HDAC3: variants seen among roughly 807,000 people sequenced by gnomAD.
HDAC3 encodes SMAP45.
Under a neutral mutation model 62.3 loss-of-function variants are expected in HDAC3, and 21 were observed. The observed-to-expected ratio is 0.34, with a 90% CI of 0.24 to 0.49. The LOEUF (loss-of-function observed/expected upper bound fraction) is 0.49. HDAC3 is among the 20% of genes least tolerant of loss of function. The pLI is 0.99. For missense variants in HDAC3, 270 were observed against 556.9 expected, an observed-to-expected ratio of 0.48 and a Z score of 5.19; for synonymous variants, 198 against 206.5, an observed-to-expected ratio of 0.96 and a Z score of 0.35.
intron 10 of HDAC3, among the ~76,000 whole-genome samples, 159 bp downstream of exon 10, chr5:141,627,734 G>A (rs1299399124): frequency 1.3e-5 from 2 of 152,086 alleles, no homozygotes; most frequent in Non-Finnish European, 2.9e-5. Flanking sequence ...GACCATCTAG[G>A]GAACCCTGTT....
Position 141,625,836 on chromosome 5 carries a change from T to TGAGCACC in HDAC3, c.980-73_980-72insGGTGCTC. ...TAACAAGACTTCCCAATCTTTTTCC[T>TGAGCACC]TCCCATCCAGAGCACCTACATAATA... is the stretch of plus-strand genomic sequence containing the variant. On this transcript the variant is annotated intron_variant, in intron 12 of 14. Coordinates refer to ENST00000305264, the MANE Select transcript of HDAC3 (RefSeq NM_003883.4). This position sits in a 1 kb window ranked among gnomAD's most constrained non-coding sequence, Gnocchi z 4.0. 9 of 1,474,094 alleles carry TGAGCACC rather than the reference T, an allele frequency of 6.1e-6. No individual in the cohort carries two copies. In the Admixed American group the frequency reaches 1.5e-4, roughly 25 times the overall value. The allele number at this position is 1,474,094 out of a possible 1,614,324, so 91.3% of individuals were successfully genotyped here.
rs756788322 is a variant in HDAC3 at position 141,628,225 on chromosome 5, G to C, written c.692-38C>G. 6.4e-7 allele frequency: 1 copy of C among 1,556,534 alleles called. No homozygotes were observed. The highest frequency in any genetic ancestry group is 8.9e-7 in the Non-Finnish European group (1 of 1,127,646). Reference sequence around the variant, plus strand: ...CAAAGATGGGCACCTGGCACCCCAAGGGGATGGGGAGACAGGGAACAAAAG... The same window carrying C: ...CAAAGATGGGCACCTGGCACCCCAACGGGATGGGGAGACAGGGAACAAAAG... On this transcript the variant is annotated intron_variant, in intron 8 of 14. Coordinates refer to ENST00000305264, the MANE Select transcript of HDAC3 (RefSeq NM_003883.4). This position sits in a 1 kb window ranked among gnomAD's most constrained non-coding sequence, Gnocchi z 4.7.
Position 141,626,147 on chromosome 5 carries a change from C to T in HDAC3, c.920+47G>A. 1.2e-6 allele frequency: 2 copies of T among 1,604,576 alleles called. No homozygotes were observed. On this transcript the variant is annotated intron_variant, in intron 11 of 14. Transcript: ENST00000305264. This position sits in a 1 kb window ranked among gnomAD's most constrained non-coding sequence, Gnocchi z 4.6. The stretch of plus-strand genomic sequence containing the variant: ...CCATGTGGCCATATCTGAGGGACAC[C>T]CTAGCTCACACTGGACAACAGGGGA...
chr5:141,622,611 AAAG>A (rs910501082), intron 14 of HDAC3, among the ~76,000 whole-genome samples: 1 of 152,010 alleles, frequency 6.6e-6, no homozygotes, highest in African/African-American at 2.4e-5. Context: ...CAAAAAAAAA[AAAG>A]AAAGAAAAGA....
At chr5:141,631,999 G>A (rs758823498) in intron 3 of HDAC3, among the ~76,000 whole-genome samples, 52 of 151,894 alleles carry the variant, frequency 3.4e-4, no homozygotes, top group Non-Finnish European at 5.4e-4. Flanking sequence ...GGGATTTATG[G>A]GTGAAAAGGA....
chr5:141,627,774 T>A (rs2099904651), intron 10 of HDAC3, 119 bp downstream of exon 10: 3 of 832,086 alleles, frequency 3.6e-6, no homozygotes, highest in South Asian at 2.8e-5. Context: ...CAAGTACAAT[T>A]TGTAGCTATT....
Position 141,636,779 on chromosome 5 carries a change from G to A in HDAC3, c.12C>T (p.Thr4=), listed in dbSNP as rs878921541. 2 of 1,612,120 alleles carry A rather than the reference G, an allele frequency of 1.2e-6. No individual in the cohort carries two copies. Among genetic ancestry groups the A allele is most frequent in the South Asian group, 1.1e-5 (1 of 90,870 alleles). The change falls in exon 1 of 15, where the codon ACC becomes ACT. Residue 4 remains threonine, a synonymous_variant. Transcript: ENST00000305264. Reference sequence around the variant, plus strand: ...CGTCGGGGTCGTAGAAATAGGCCACGGTCTTGGCCATGGTGCCGGCGGGAG... The same window carrying A: ...CGTCGGGGTCGTAGAAATAGGCCACAGTCTTGGCCATGGTGCCGGCGGGAG... The part of the protein sequence containing the change: MAK[T]VAYFYDPDVG...
chr5:141,628,054 C>T lies in HDAC3; in HGVS notation c.765+60G>A. 6.2e-7 allele frequency: 1 copy of T among 1,600,902 alleles called. No individual in the cohort carries two copies. Among genetic ancestry groups the T allele is most frequent in the Non-Finnish European group, 8.6e-7 (1 of 1,167,924 alleles). ...CACCAACCTAAAGAACCTCCTCTTC[C>T]CTTGCTCTCTTTCCCCAAGCCCAGG... On this transcript the variant is annotated intron_variant, in intron 9 of 14. Coordinates refer to ENST00000305264, the MANE Select transcript of HDAC3 (RefSeq NM_003883.4). The surrounding 1 kb of genome is among the most constrained non-coding windows in gnomAD (Gnocchi z 4.7).
chr5:141,634,723 C>T, intron 3 of HDAC3, 88 bp downstream of exon 3: 8 of 1,300,014 alleles, frequency 6.2e-6, no homozygotes, highest in Non-Finnish European at 8.6e-6. Flanking sequence ...GTAGGCCCCC[C>T]TTGAGATCTT....
chr5:141,628,699 A>T lies in HDAC3; in HGVS notation c.611-60T>A. On this transcript the variant is annotated intron_variant, in intron 7 of 14. Coordinates refer to ENST00000305264, the MANE Select transcript of HDAC3 (RefSeq NM_003883.4). This position sits in a 1 kb window ranked among gnomAD's most constrained non-coding sequence, Gnocchi z 4.7. ...GAAGCACCCACAACCCAGCTGTTTCAGCCCCAATCTGCACTCTGGGAGCCT... is the reference window on the plus strand; with the variant it reads ...GAAGCACCCACAACCCAGCTGTTTCTGCCCCAATCTGCACTCTGGGAGCCT... 1 of 1,284,808 alleles carries T rather than the reference A, an allele frequency of 7.8e-7. No homozygotes were observed. Among genetic ancestry groups the T allele is most frequent in the South Asian group, 1.2e-5 (1 of 83,796 alleles). 79.6% of individuals were successfully genotyped at this position (1,284,808 alleles called of 1,614,324 possible).
chr5:141,625,906 C>T lies in HDAC3; in HGVS notation c.979+107G>A. ...GCTCTGAGCCCAGGGGTTTAGTCTG[C>T]AGAGCTCTGAGAGTGTAAAATTTCC... On this transcript the variant is annotated intron_variant, in intron 12 of 14. Coordinates refer to ENST00000305264, the MANE Select transcript of HDAC3 (RefSeq NM_003883.4). This position sits in a 1 kb window ranked among gnomAD's most constrained non-coding sequence, Gnocchi z 4.0. 1 of 1,301,970 alleles carries T rather than the reference C, an allele frequency of 7.7e-7. No homozygotes were observed. The highest frequency in any genetic ancestry group is 1.1e-6 in the Non-Finnish European group (1 of 896,328). 80.7% of individuals were successfully genotyped at this position (1,301,970 alleles called of 1,614,324 possible).
rs371081980 is a variant in HDAC3 at position 141,626,186 on chromosome 5, G to A, written c.920+8C>T. 1 of 1,613,022 alleles carries A rather than the reference G, an allele frequency of 6.2e-7. No homozygotes were observed. Among genetic ancestry groups the A allele is most frequent in the Non-Finnish European group, 8.5e-7 (1 of 1,179,102 alleles). On this transcript the variant is annotated splice_region_variant and intron_variant, in intron 11 of 14. Transcript: ENST00000305264. This position sits in a 1 kb window ranked among gnomAD's most constrained non-coding sequence, Gnocchi z 4.6. ...GACAACAGGGGAGGAAATCAGGAGAGTGCTCACCAGCAGCGGGCAACATTT... is the reference window on the plus strand; with the variant it reads ...GACAACAGGGGAGGAAATCAGGAGAATGCTCACCAGCAGCGGGCAACATTT...
chr5:141,629,331 C>G lies in HDAC3; in HGVS notation c.477-25G>C. On this transcript the variant is annotated intron_variant, in intron 6 of 14. Transcript: ENST00000305264. The surrounding 1 kb of genome is among the most constrained non-coding windows in gnomAD (Gnocchi z 5.3). ...CCTAGAGGGAAGCCAAAGCCAGGGT[C>G]TGAGCTAGAAGTGAACCCCCCAACC... 1 of 1,613,942 alleles carries G rather than the reference C, an allele frequency of 6.2e-7. No individual in the cohort carries two copies. The highest frequency in any genetic ancestry group is 1.1e-5 in the South Asian group (1 of 91,062).
At position 141,626,379 on chromosome 5, in the gene HDAC3, A is replaced by C; in HGVS notation, c.831-96T>G. On this transcript the variant is annotated intron_variant, in intron 10 of 14. Coordinates refer to ENST00000305264, the MANE Select transcript of HDAC3 (RefSeq NM_003883.4). The surrounding 1 kb of genome is among the most constrained non-coding windows in gnomAD (Gnocchi z 4.6). ...CCTGAAAGGAGCACAAGAAAACTAT[A>C]AATGTTCTAAATCTTTATCTTGATA... is the stretch of plus-strand genomic sequence containing the variant. 1 of 833,430 alleles carries C rather than the reference A, an allele frequency of 1.2e-6. No individual in the cohort carries two copies. The highest frequency in any genetic ancestry group is 2.0e-6 in the Non-Finnish European group (1 of 500,852). The allele number at this position is 833,430 out of a possible 1,614,324, so 51.6% of individuals were successfully genotyped here. A position where few individuals can be genotyped will look rare whatever the true frequency, so the allele number is the denominator to read the frequency against.
intron 9 of HDAC3, 23 bp from the exon 10 acceptor site, chr5:141,627,980 A>C (rs2099904690): frequency 1.9e-6 from 3 of 1,613,784 alleles, no homozygotes; most frequent in Non-Finnish European, 2.5e-6. Flanking sequence ...AAACCCCAGG[A>C]AAGTGCAGTG....
chr5:141,629,140 G>A lies in HDAC3; in HGVS notation c.610+33C>T, dbSNP rs2099904862. The A allele has an allele frequency of 6.2e-7, 1 of 1,612,154 alleles. No individual in the cohort carries two copies. Among genetic ancestry groups the A allele is most frequent in the Non-Finnish European group, 8.5e-7 (1 of 1,178,762 alleles). ...GGCACTCATAGTAAAGAGCTGAAGG[G>A]TGCAAAGGGGAAAGTAATCCCTATT... On this transcript the variant is annotated intron_variant, in intron 7 of 14. Transcript: ENST00000305264. The surrounding 1 kb of genome is among the most constrained non-coding windows in gnomAD (Gnocchi z 5.3).
At chr5:141,631,702 T>C (rs1305606844) in intron 3 of HDAC3, among the ~76,000 whole-genome samples, 2 of 152,198 alleles carry the variant, frequency 1.3e-5, no homozygotes, top group African/African-American at 4.8e-5. Flanking sequence ...CTAGGTTCTT[T>C]AACACCTACT....
chr5:141,622,100 A>G (rs886325477), intron 14 of HDAC3, among the ~76,000 whole-genome samples: 2 of 152,226 alleles, frequency 1.3e-5, no homozygotes, highest in Non-Finnish European at 2.9e-5. Flanking sequence ...GAGAGTAGTT[A>G]GAGATGAGAT....
chr5:141,621,637 C>A, intron 14 of HDAC3, 100 bp from the exon 15 acceptor site: 1 of 877,606 alleles, frequency 1.1e-6, no homozygotes, highest in Non-Finnish European at 1.9e-6. Context: ...TTGAGAACCA[C>A]TCCTCCTCTT....
Sources: allele counts gnomAD v4.1 joint callset (sites outside exome capture counted in the v4.1 genomes callset), GRCh38; gene constraint gnomAD v4.1.1; non-coding constraint Gnocchi (gnomAD v3.1); transcripts MANE v1.5; gene names NCBI Gene and HGNC (gene_info 2026-07-23, HGNC 2026-07-21).